Variants in ENOX1 observed in about 807,000 individuals in gnomAD.
ENOX1 encodes ecto-NOX disulfide-thiol exchanger 1.
In ENOX1, 42 loss-of-function variants were observed where a neutral mutation model predicts 82.5. That is an observed-to-expected ratio of 0.51 (90% confidence interval 0.40 to 0.66). The LOEUF (loss-of-function observed/expected upper bound fraction) is 0.66, where lower values mean the gene tolerates loss of function less well. ENOX1 is among the 30% of genes least tolerant of loss of function. The pLI, the probability that ENOX1 is intolerant of heterozygous loss-of-function variation, is 0.00. For missense variants in ENOX1, 608 were observed against 811.6 expected (o/e 0.75, Z 3.05); for synonymous variants, 271 against 282.2 (o/e 0.96, Z 0.40).
At chr13:43,785,372 C>T (rs1213474098) in intron 1 of ENOX1, among the ~76,000 whole-genome samples, 1 of 152,174 alleles carries the variant, frequency 6.6e-6, no homozygotes, top group East Asian at 1.9e-4. Context: ...CCCACTTTCT[C>T]CACCCTCTTC....
intron 11 of ENOX1, among the ~76,000 whole-genome samples, chr13:43,316,463 T>C (rs2047491566): frequency 1.3e-5 from 2 of 152,092 alleles, no homozygotes; most frequent in African/African-American, 4.8e-5. Flanking sequence ...AAAATAGGAT[T>C]ATAAAGGGGC....
At chr13:43,304,433 C>T (rs1304750905) in intron 11 of ENOX1, among the ~76,000 whole-genome samples, 2 of 152,096 alleles carry the variant, frequency 1.3e-5, no homozygotes, top group East Asian at 3.9e-4. Context: ...CATGTAATGC[C>T]ACCAGGCTAG....
At chr13:43,630,860 T>TATATATATATACACACACAC (rs34023929) in intron 2 of ENOX1, among the ~76,000 whole-genome samples, 1 of 147,708 alleles carries the variant, frequency 6.8e-6, no homozygotes, top group East Asian at 2.0e-4. Context: ...TATATATATA[T>TATATATATATACACACACAC]ACACACACAC....
chr13:43,563,623 ACCTTT>A (rs1335529412), intron 2 of ENOX1, among the ~76,000 whole-genome samples: 3 of 152,094 alleles, frequency 2.0e-5, no homozygotes, highest in Non-Finnish European at 4.4e-5. Flanking sequence ...AAATTGACAA[ACCTTT>A]ACCTAGATTA....
At chr13:43,438,308 A>G (rs756767539) in intron 3 of ENOX1, among the ~76,000 whole-genome samples, 1 of 152,176 alleles carries the variant, frequency 6.6e-6, no homozygotes, top group Non-Finnish European at 1.5e-5. Flanking sequence ...GGAGGTAATT[A>G]TGGGAGACCA....
At chr13:43,430,079 C>T (rs2055567750) in intron 3 of ENOX1, among the ~76,000 whole-genome samples, 1 of 152,168 alleles carries the variant, frequency 6.6e-6, no homozygotes, top group Admixed American at 6.5e-5. Flanking sequence ...ATGGAGCCTA[C>T]CCAAATGATT....
chr13:43,591,162 T>C (rs966039711), intron 2 of ENOX1, among the ~76,000 whole-genome samples: 8 of 152,230 alleles, frequency 5.3e-5, no homozygotes, highest in Admixed American at 5.2e-4. Context: ...TCTGCACCTA[T>C]GTCTTACAGA....
intron 5 of ENOX1, among the ~76,000 whole-genome samples, chr13:43,377,738 A>T (rs1300943966): frequency 6.6e-6 from 1 of 152,234 alleles, no homozygotes; most frequent in East Asian, 1.9e-4. Flanking sequence ...ATATGGAGAA[A>T]GTCAAGTGTC....
In ENOX1 at chr13:43,253,603, G is replaced by A. The variant is rs546993358; in HGVS notation, c.1611+11795C>T. ...GTGTGGTTAGCAGAAATGAAGTGGT[G>A]CGAAAATCACTATGGAATATTTAAT... On this transcript the variant is annotated intron_variant, in intron 14 of 16. Coordinates refer to ENST00000690772, the MANE Select transcript of ENOX1 (RefSeq NM_001347969.2). 3.3e-4 allele frequency among the ~76,000 whole-genome samples: 50 copies of A among 152,316 alleles called. No homozygotes were observed. The South Asian group carries it at 9.9e-3, about 30-fold the overall frequency.
chr13:43,410,642 A>ACT (rs1328823491), intron 5 of ENOX1, among the ~76,000 whole-genome samples: 29 of 151,528 alleles, frequency 1.9e-4, no homozygotes, highest in African/African-American at 6.8e-4. Context: ...ACACACACAC[A>ACT]CACACACACA....
intron 5 of ENOX1, among the ~76,000 whole-genome samples, chr13:43,395,938 G>GA (rs1486975949): frequency 1.3e-5 from 2 of 152,160 alleles, no homozygotes; most frequent in Non-Finnish European, 2.9e-5. Context: ...TGTAAATTCA[G>GA]AAATCAGATA....
intron 3 of ENOX1, among the ~76,000 whole-genome samples, chr13:43,423,764 T>TA (rs1169990443): frequency 2.0e-5 from 3 of 152,252 alleles, no homozygotes; most frequent in Non-Finnish European, 4.4e-5. Context: ...CCATCTTACC[T>TA]AGCCACAGAT....
intron 2 of ENOX1, among the ~76,000 whole-genome samples, chr13:43,507,742 G>A (rs1350079901): frequency 6.6e-6 from 1 of 151,974 alleles, no homozygotes; most frequent in Non-Finnish European, 1.5e-5. Flanking sequence ...TGGGACAGAG[G>A]GAGGTATCTA....
At chr13:43,608,074 T>C (rs565494436) in intron 2 of ENOX1, among the ~76,000 whole-genome samples, 1 of 152,318 alleles carries the variant, frequency 6.6e-6, no homozygotes, top group South Asian at 2.1e-4. Flanking sequence ...TATCTTCCTT[T>C]GTTATGTGTT....
intron 16 of ENOX1, among the ~76,000 whole-genome samples, chr13:43,221,066 T>C (rs1251632795): frequency 2.6e-5 from 4 of 152,224 alleles, no homozygotes; most frequent in Non-Finnish European, 5.9e-5. Flanking sequence ...CCATGACCTC[T>C]CAAGCTGGTC....
intron 1 of ENOX1, among the ~76,000 whole-genome samples, chr13:43,752,962 C>T (rs1950402542): frequency 7.6e-6 from 1 of 132,214 alleles, no homozygotes; most frequent in Non-Finnish European, 1.8e-5. Context: ...CAGGCTCAAG[C>T]GATTCTCCTG....
At chr13:43,428,422 T>A (rs1229831615) in intron 3 of ENOX1, among the ~76,000 whole-genome samples, 2 of 152,160 alleles carry the variant, frequency 1.3e-5, no homozygotes, top group African/African-American at 4.8e-5. Flanking sequence ...TCAAGGACTG[T>A]CCAGGTCCAT....
intron 1 of ENOX1, among the ~76,000 whole-genome samples, chr13:43,785,852 G>T (rs917544124): frequency 6.6e-6 from 1 of 152,190 alleles, no homozygotes; most frequent in Admixed American, 6.5e-5. Flanking sequence ...GGCCGTGCAG[G>T]GGGAGGACGT....
intron 5 of ENOX1, among the ~76,000 whole-genome samples, chr13:43,374,856 C>T (rs2051508650): frequency 6.6e-6 from 1 of 152,188 alleles, no homozygotes; most frequent in African/African-American, 2.4e-5. Flanking sequence ...TTACACTATC[C>T]TGCTGGGGAT....
Sources: gnomAD v4.1 joint callset for allele counts (sites outside exome capture counted in the v4.1 genomes callset) on GRCh38, gnomAD v4.1.1 for gene constraint, MANE v1.5 for transcripts, NCBI Gene and HGNC (gene_info 2026-07-23, HGNC 2026-07-21) for gene names.